Variants in PCDH11X observed in about 807,000 individuals in gnomAD.
PCDH11X encodes protocadherin 11 X-linked, also known as protocadherin-11 X-linked.
A neutral mutation model predicts 53.3 loss-of-function variants in PCDH11X; 18 were observed. The ratio of observed to expected loss-of-function variants is 0.34; its 90% CI spans 0.23 to 0.50. The LOEUF (loss-of-function observed/expected upper bound fraction) is 0.50, where lower values mean the gene tolerates loss of function less well. PCDH11X is among the 20% of genes least tolerant of loss of function. PCDH11X has a pLI of 0.98. For synonymous variants in PCDH11X, 279 were observed against 393.3 expected, an observed-to-expected ratio of 0.71 and a Z score of 3.44; for missense variants, 570 against 1,032.4, an observed-to-expected ratio of 0.55 and a Z score of 6.14.
intron 6 of PCDH11X, among the ~76,000 whole-genome samples, chrX:92,146,437 G>C (rs1369416086): frequency 1.8e-4 from 20 of 110,912 alleles, no homozygotes; most frequent in African/African-American, 6.5e-4. Flanking sequence ...ATGGAATACT[G>C]GTTTTTGTTC....
intron 7 of PCDH11X, among the ~76,000 whole-genome samples, chrX:92,240,319 G>A (rs60236650): frequency 0.075 from 8,402 of 111,592 alleles, 659 homozygotes; most frequent in African/African-American, 0.24. Flanking sequence ...TTCAACATAG[G>A]CAGCACACGA....
At chrX:92,071,463 C>T (rs140498420) in intron 6 of PCDH11X, among the ~76,000 whole-genome samples, 2 of 111,688 alleles carry the variant, frequency 1.8e-5, no homozygotes, top group Non-Finnish European at 3.8e-5. Flanking sequence ...GTCCCTGGTG[C>T]CTCATTTAGT....
In PCDH11X at chrX:91,964,660, G is replaced by T. The variant is rs143292910; in HGVS notation, c.3033+85387G>T. On this transcript the variant is annotated intron_variant, in intron 6 of 10. Coordinates refer to ENST00000682573, the MANE Select transcript of PCDH11X (RefSeq NM_032968.5). ...TACATTATCTTTTCTATTTGAAAAT[G>T]CTCCTGCTAAAGTGTGGGGTTTTCT... 6.4e-3 allele frequency among the ~76,000 whole-genome samples: 718 copies of T among 112,093 alleles called. 6 individuals are homozygous for T. Among genetic ancestry groups the T allele is most frequent in the African/African-American group, 0.022 (693 of 30,926 alleles).
intron 6 of PCDH11X, among the ~76,000 whole-genome samples, chrX:91,927,727 T>C (rs1158939596): frequency 9.0e-6 from 1 of 111,406 alleles, no homozygotes; most frequent in South Asian, 3.7e-4. Flanking sequence ...GTAACTTTTC[T>C]GAGAAGTTCC....
intron 10 of PCDH11X, among the ~76,000 whole-genome samples, chrX:92,576,306 T>C (rs1922966421): frequency 1.1e-5 from 1 of 94,661 alleles, no homozygotes; most frequent in Non-Finnish European, 2.1e-5. Context: ...TCTTTATAAG[T>C]GTGTTTCTTT....
chrX:92,073,863 A>G (rs1438320433), intron 6 of PCDH11X, among the ~76,000 whole-genome samples: 2 of 111,979 alleles, frequency 1.8e-5, no homozygotes, highest in Non-Finnish European at 3.8e-5. Flanking sequence ...TTGGAATTGT[A>G]GCAGGTGAAT....
chrX:92,263,241 CT>C, intron 8 of PCDH11X, 98 bp downstream of exon 8: 1 of 689,762 alleles, frequency 1.4e-6, no homozygotes, highest in Non-Finnish European at 2.1e-6. Flanking sequence ...ACTGTAAGTA[CT>C]TAGGATAACA....
intron 6 of PCDH11X, among the ~76,000 whole-genome samples, chrX:91,955,959 T>C (rs1223784834): frequency 1.8e-5 from 2 of 110,324 alleles, no homozygotes; most frequent in Admixed American, 1.9e-4. Context: ...TGGGTTCATA[T>C]ATATTTAGGA....
rs1449269078 is a variant in PCDH11X at position 92,503,661 on chromosome X, T to A, written c.3367+35339T>A. Among the ~76,000 whole-genome samples, 3 of 106,852 alleles carry A rather than the reference T, an allele frequency of 2.8e-5. No individual in the cohort carries two copies. In the East Asian group the frequency reaches 9.2e-4, roughly 33 times the overall value. 92.8% of individuals were successfully genotyped at this position (106,852 alleles called of 115,157 possible). On this transcript the variant is annotated intron_variant, in intron 10 of 10. Transcript: ENST00000682573. ...AACACAGCATGTTCTCACTGATAAG[T>A]GGGAGCTGAACAATGAGAACACATG...
chrX:92,051,057 A>G (rs956841808), intron 6 of PCDH11X, among the ~76,000 whole-genome samples: 4 of 112,078 alleles, frequency 3.6e-5, no homozygotes, highest in Non-Finnish European at 5.6e-5. Context: ...AATTCTATAA[A>G]CCAAATCATG....
intron 6 of PCDH11X, chrX:91,983,179 T>A: frequency 3.4e-6 from 3 of 885,162 alleles, no homozygotes; most frequent in Non-Finnish European, 3.3e-6. Context: ...GCATCTTTTT[T>A]CCCCCAGTCT....
chrX:92,196,863 A>G (rs2066300703), intron 6 of PCDH11X, among the ~76,000 whole-genome samples: 1 of 110,704 alleles, frequency 9.0e-6, no homozygotes. Context: ...GGGTGGAGAG[A>G]GATTGAGAGA....
At chrX:92,378,722 C>T (rs1208671880) in intron 8 of PCDH11X, among the ~76,000 whole-genome samples, 1 of 111,757 alleles carries the variant, frequency 8.9e-6, no homozygotes, top group Non-Finnish European at 1.9e-5. Context: ...TCACCGTGTA[C>T]TCACATGGCA....
intron 6 of PCDH11X, among the ~76,000 whole-genome samples, chrX:91,916,941 G>A (rs753581523): frequency 5.4e-5 from 6 of 110,937 alleles, no homozygotes; most frequent in African/African-American, 1.6e-4. Flanking sequence ...GATTCCAACA[G>A]CATATCAAAA....
At chrX:92,118,346 C>T (rs773456282) in intron 6 of PCDH11X, among the ~76,000 whole-genome samples, 39 of 108,128 alleles carry the variant, frequency 3.6e-4, no homozygotes, top group African/African-American at 1.3e-3. Flanking sequence ...TGTAACTAAA[C>T]GAGACCCTAA....
intron 6 of PCDH11X, among the ~76,000 whole-genome samples, chrX:92,011,728 A>G (rs1207925580): frequency 9.0e-6 from 1 of 111,453 alleles, no homozygotes; most frequent in Non-Finnish European, 1.9e-5. Context: ...GTAGATATAC[A>G]GATTGATAGA....
intron 7 of PCDH11X, among the ~76,000 whole-genome samples, chrX:92,234,587 G>T (rs1430805928): frequency 8.9e-6 from 1 of 111,784 alleles, no homozygotes; most frequent in Non-Finnish European, 1.9e-5. Context: ...GTGTGTGTGT[G>T]TATATACATA....
At chrX:92,279,364 C>T (rs1202280302) in intron 8 of PCDH11X, among the ~76,000 whole-genome samples, 4 of 112,254 alleles carry the variant, frequency 3.6e-5, no homozygotes, top group Non-Finnish European at 7.5e-5. Flanking sequence ...AGACAGGTTA[C>T]CCTCTTTATT....
At chrX:92,213,139 A>G in intron 7 of PCDH11X, among the ~76,000 whole-genome samples, 1 of 111,894 alleles carries the variant, frequency 8.9e-6, no homozygotes, top group Middle Eastern at 4.6e-3. Context: ...AAATCAACAT[A>G]CCCTGATGTG....
Sources: allele counts gnomAD v4.1 joint callset (sites outside exome capture counted in the v4.1 genomes callset), GRCh38; gene constraint gnomAD v4.1.1; transcripts MANE v1.5; gene names NCBI Gene and HGNC (gene_info 2026-07-23, HGNC 2026-07-21).